Variants in ADCY9 observed in about 807,000 individuals in gnomAD.
The protein encoded by ADCY9 is adenylate cyclase 9.
A neutral mutation model predicts 101.5 loss-of-function variants in ADCY9; 50 were observed. The observed-to-expected ratio is 0.49, with a 90% CI of 0.39 to 0.62. ADCY9 has a LOEUF of 0.62. Ranked by LOEUF, ADCY9 falls within the 20% of genes least tolerant of loss-of-function variation. The pLI is 0.00. For synonymous variants in ADCY9, 905 were observed against 769.3 expected (o/e 1.18, Z -2.92); for missense variants, 1,662 against 1,800.4 (o/e 0.92, Z 1.39).
Position 3,966,177 on chromosome 16 carries a change from G to T in ADCY9, c.3660C>A (p.Gly1220=). ...CGGTCCCTCTGTAGTCGAAGTCATA[G>T]CCCATCTTGCTCAAGACGCGGTAGC... ...EESYRVLSKM[G]YDFDYRGTVN... is the part of the protein sequence containing the mutation. The change falls in exon 11 of 11, where the codon GGC becomes GGA. Residue 1220 remains glycine (G), a synonymous_variant. Transcript: ENST00000294016. The T allele has an allele frequency of 6.2e-7, 1 of 1,614,196 alleles. No homozygotes were observed. The highest frequency in any genetic ancestry group is 8.5e-7 in the Non-Finnish European group (1 of 1,180,036).
chr16:4,058,553 C>T lies in ADCY9; in HGVS notation c.1694-50995G>A, dbSNP rs909880693. ...CTCAGGCCCGGAACCCCATGCTACACTGACTCTTGTTGAGAGAACACTCCA... is the reference window on the plus strand; with the variant it reads ...CTCAGGCCCGGAACCCCATGCTACATTGACTCTTGTTGAGAGAACACTCCA... On this transcript the variant is annotated intron_variant, in intron 2 of 10. Transcript: ENST00000294016. Among the ~76,000 whole-genome samples, 3 of 151,960 alleles carry T rather than the reference C, an allele frequency of 2.0e-5. No homozygotes were observed. The South Asian group carries it at 6.2e-4, about 32-fold the overall frequency.
intron 3 of ADCY9, among the ~76,000 whole-genome samples, chr16:3,999,663 G>A (rs527777317): frequency 1.8e-4 from 27 of 152,318 alleles, no homozygotes; most frequent in African/African-American, 6.5e-4. Context: ...GGAGTTTGCT[G>A]GCTGTTGCCT....
At chr16:4,016,048 T>G (rs2056436620) in intron 2 of ADCY9, among the ~76,000 whole-genome samples, 1 of 151,938 alleles carries the variant, frequency 6.6e-6, no homozygotes, top group Non-Finnish European at 1.5e-5. Flanking sequence ...GAGGATTAAA[T>G]GAGTTGATTC....
intron 7 of ADCY9, among the ~76,000 whole-genome samples, chr16:3,979,823 G>C (rs985407414): frequency 5.3e-5 from 8 of 152,254 alleles, no homozygotes; most frequent in African/African-American, 1.9e-4. Flanking sequence ...CAAGCCCCTG[G>C]GCACCTGCAA....
chr16:4,056,266 T>C (rs968366069), intron 2 of ADCY9, among the ~76,000 whole-genome samples: 1 of 152,200 alleles, frequency 6.6e-6, no homozygotes, highest in Admixed American at 6.5e-5. Context: ...GTGTTTTGTT[T>C]TGTTTTTGAG....
intron 2 of ADCY9, among the ~76,000 whole-genome samples, chr16:4,084,474 T>C (rs887912658): frequency 2.6e-5 from 4 of 151,936 alleles, no homozygotes; most frequent in African/African-American, 9.7e-5. Flanking sequence ...ACCTGTAATC[T>C]CAACACTCTG....
At chr16:4,022,537 C>T (rs2012244) in intron 2 of ADCY9, among the ~76,000 whole-genome samples, 136,061 of 143,484 alleles carry the variant, frequency 0.95, 64,952 homozygotes, top group East Asian at 1. Flanking sequence ...GCCACAATTC[C>T]GCATATGCAT....
At chr16:4,072,047 C>T (rs368208212) in intron 2 of ADCY9, among the ~76,000 whole-genome samples, 25 of 152,282 alleles carry the variant, frequency 1.6e-4, no homozygotes, top group Middle Eastern at 3.4e-3. Flanking sequence ...CCTATTCTGA[C>T]AGAACCAAAG....
At chr16:4,026,754 C>G (rs933501036) in intron 2 of ADCY9, among the ~76,000 whole-genome samples, 1 of 152,124 alleles carries the variant, frequency 6.6e-6, no homozygotes, top group Non-Finnish European at 1.5e-5. Flanking sequence ...AGGGTACATG[C>G]TGTGTGGTTC....
At chr16:4,084,951 T>C (rs1397956176) in intron 2 of ADCY9, among the ~76,000 whole-genome samples, 1 of 152,128 alleles carries the variant, frequency 6.6e-6, no homozygotes, top group African/African-American at 2.4e-5. Context: ...TACAGCCAAA[T>C]AAAGTACACA....
chr16:4,018,546 A>G (rs1205151954), intron 2 of ADCY9, among the ~76,000 whole-genome samples: 1 of 152,090 alleles, frequency 6.6e-6, no homozygotes, highest in Non-Finnish European at 1.5e-5. Context: ...CTTCCGCGGG[A>G]GCAGTCATGC....
chr16:4,026,990 G>A (rs757961918), intron 2 of ADCY9, among the ~76,000 whole-genome samples: 22 of 152,142 alleles, frequency 1.4e-4, no homozygotes, highest in African/African-American at 3.6e-4. Flanking sequence ...GTTCCCTCCC[G>A]CAACCAACCA....
intron 2 of ADCY9, among the ~76,000 whole-genome samples, chr16:4,089,720 C>A (rs986527932): frequency 2.0e-5 from 3 of 151,942 alleles, no homozygotes; most frequent in African/African-American, 7.2e-5. Flanking sequence ...TGGGAGGCTC[C>A]CGAGACAAGA....
chr16:4,063,378 T>G (rs1174851669), intron 2 of ADCY9, among the ~76,000 whole-genome samples: 1 of 151,558 alleles, frequency 6.6e-6, no homozygotes. Flanking sequence ...GTTAAAAGCC[T>G]GTATCAGGAA....
At chr16:4,040,907 G>A (rs865908575) in intron 2 of ADCY9, among the ~76,000 whole-genome samples, 9 of 152,016 alleles carry the variant, frequency 5.9e-5, no homozygotes, top group Admixed American at 2.6e-4. Flanking sequence ...ATTTTCCAAC[G>A]AGACAGGTGA....
chr16:4,072,024 T>C (rs1268920084), intron 2 of ADCY9, among the ~76,000 whole-genome samples: 2 of 152,204 alleles, frequency 1.3e-5, no homozygotes, highest in African/African-American at 2.4e-5. Context: ...GTTATATATC[T>C]CACATTGTTT....
intron 3 of ADCY9, among the ~76,000 whole-genome samples, 193 bp downstream of exon 3, chr16:4,007,175 T>G (rs760427936): frequency 6.6e-6 from 1 of 152,266 alleles, no homozygotes; most frequent in South Asian, 2.1e-4. Flanking sequence ...GTGCGTCATA[T>G]GTCAAAAAGC....
chr16:4,098,115 G>C (rs193084614), intron 2 of ADCY9, among the ~76,000 whole-genome samples: 41 of 152,240 alleles, frequency 2.7e-4, no homozygotes, highest in African/African-American at 8.9e-4. Context: ...TCCTGGAGTT[G>C]GGCCTTCTGG....
rs746494071 is a variant in ADCY9 at position 3,967,663 on chromosome 16, G to GCCT, written c.2871-698_2871-697insAGG. On this transcript the variant is annotated intron_variant, in intron 10 of 10. Coordinates refer to ENST00000294016, the MANE Select transcript of ADCY9 (RefSeq NM_001116.4). The stretch of plus-strand genomic sequence containing the variant: ...CCACCTTGGCCTTCCAAAGTGCTGG[G>GCCT]ATTACAGGCTTGAACTGTGCTTGGC... Among the ~76,000 whole-genome samples the GCCT allele has an allele frequency of 3.7e-3, 562 of 150,410 alleles. 3 individuals carry two copies. Among genetic ancestry groups the GCCT allele is most frequent in the Admixed American group, 4.4e-3 (66 of 15,086 alleles).
Sources: gnomAD v4.1 joint callset for allele counts (sites outside exome capture counted in the v4.1 genomes callset) on GRCh38, gnomAD v4.1.1 for gene constraint, MANE v1.5 for transcripts, NCBI Gene and HGNC (gene_info 2026-07-23, HGNC 2026-07-21) for gene names.